Variants in MCTP1 observed in about 807,000 individuals in gnomAD.
MCTP1 encodes multiple C2 and transmembrane domain containing 1.
A neutral mutation model predicts 120.6 loss-of-function variants in MCTP1; 69 were observed. The observed-to-expected ratio is 0.57, with a 90% CI of 0.47 to 0.70. The LOEUF (loss-of-function observed/expected upper bound fraction) is 0.70, where lower values mean the gene tolerates loss of function less well. Ranked by LOEUF, MCTP1 falls within the 30% of genes least tolerant of loss-of-function variation. The pLI is 0.00. For missense variants in MCTP1, 1,203 were observed against 1,248.8 expected (o/e 0.96, Z 0.55); for synonymous variants, 529 against 493.1 (o/e 1.07, Z -0.96).
intron 20 of MCTP1, among the ~76,000 whole-genome samples, chr5:94,712,165 C>T (rs917481983): frequency 1.3e-5 from 2 of 152,086 alleles, no homozygotes; most frequent in African/African-American, 4.8e-5. Flanking sequence ...ACCTCTCTAA[C>T]CTTTTCCCCA....
At chr5:94,717,607 C>A (rs1759802556) in intron 19 of MCTP1, among the ~76,000 whole-genome samples, 1 of 151,990 alleles carries the variant, frequency 6.6e-6, no homozygotes, top group Non-Finnish European at 1.5e-5. Context: ...TGACATGATC[C>A]TATATCTAGA....
intron 1 of MCTP1, among the ~76,000 whole-genome samples, chr5:95,048,854 T>C (rs906548791): frequency 6.6e-6 from 1 of 152,188 alleles, no homozygotes; most frequent in Non-Finnish European, 1.5e-5. Context: ...ATCTTCCTCC[T>C]TGTAGAAAAG....
chr5:95,202,853 G>A (rs1184091394), intron 1 of MCTP1, among the ~76,000 whole-genome samples: 1 of 152,008 alleles, frequency 6.6e-6, no homozygotes, highest in Non-Finnish European at 1.5e-5. Context: ...TCAGCCTCCT[G>A]AGTAGCTGGG....
chr5:94,988,424 T>G (rs1360590833), intron 2 of MCTP1, among the ~76,000 whole-genome samples: 2 of 152,170 alleles, frequency 1.3e-5, no homozygotes, highest in Non-Finnish European at 2.9e-5. Flanking sequence ...TGACAGTTGA[T>G]CCTATTGTAT....
intron 17 of MCTP1, among the ~76,000 whole-genome samples, chr5:94,812,522 T>G (rs1200789376): frequency 2.0e-5 from 3 of 151,466 alleles, no homozygotes; most frequent in Admixed American, 2.0e-4. Context: ...CTACATGTCT[T>G]CTGAACTTTT....
chr5:95,205,189 C>G (rs1206502906), intron 1 of MCTP1, among the ~76,000 whole-genome samples: 1 of 152,066 alleles, frequency 6.6e-6, no homozygotes, highest in African/African-American at 2.4e-5. Context: ...TAAAGCCTAA[C>G]ACTTATGGTC....
At chr5:94,947,573 TATATAGAGAGAGAGAGAGAGAGAG>T (rs1202737269) in intron 3 of MCTP1, among the ~76,000 whole-genome samples, 20 of 47,042 alleles carry the variant, frequency 4.3e-4, no homozygotes, top group Non-Finnish European at 8.0e-4. Context: ...TATATATATA[TATATAGAGAGAGAGAGAGAGAGAG>T]AGAGAGAGAG....
At chr5:94,811,811 C>A (rs1014583806) in intron 17 of MCTP1, among the ~76,000 whole-genome samples, 1 of 152,130 alleles carries the variant, frequency 6.6e-6, no homozygotes, top group Non-Finnish European at 1.5e-5. Flanking sequence ...TCATTTTCAG[C>A]CAAAATAGTT....
intron 19 of MCTP1, among the ~76,000 whole-genome samples, chr5:94,718,339 A>T (rs775820227): frequency 3.3e-5 from 5 of 152,150 alleles, no homozygotes; most frequent in Non-Finnish European, 5.9e-5. Flanking sequence ...CCCCTTTCTT[A>T]TAAAAAATTA....
chr5:94,870,551 T>TC, intron 15 of MCTP1, 60 bp from the exon 16 acceptor site: 1 of 1,214,892 alleles, frequency 8.2e-7, no homozygotes, highest in Middle Eastern at 1.9e-4. Context: ...TACAAGTTTT[T>TC]CACGCAGTTC....
chr5:94,791,112 CAAA>C (rs60394333), intron 18 of MCTP1, among the ~76,000 whole-genome samples: 13,299 of 99,636 alleles, frequency 0.13, 628 homozygotes, highest in African/African-American at 0.26. Context: ...GTCTCTACTA[CAAA>C]AAAAAAAAAA....
intron 19 of MCTP1, among the ~76,000 whole-genome samples, chr5:94,764,828 C>CAAAAAAAAAAAAAAAA (rs57246943): frequency 1.1e-5 from 1 of 90,976 alleles, no homozygotes; most frequent in Admixed American, 1.2e-4. Context: ...TGACCTGGAC[C>CAAAAAAAAAAAAAAAA]AAAAAAAAAA....
intron 1 of MCTP1, among the ~76,000 whole-genome samples, chr5:95,280,604 C>A (rs1479741515): frequency 1.3e-5 from 2 of 152,054 alleles, no homozygotes; most frequent in Non-Finnish European, 2.9e-5. Flanking sequence ...TCTGGTATGA[C>A]AATATGGCCC....
chr5:94,997,704 A>G (rs1309616685), intron 2 of MCTP1, among the ~76,000 whole-genome samples: 1 of 152,184 alleles, frequency 6.6e-6, no homozygotes, highest in African/African-American at 2.4e-5. Context: ...ACGCTGATAC[A>G]TCATTATCAA....
At chr5:95,236,087 G>A (rs17427305) in intron 1 of MCTP1, among the ~76,000 whole-genome samples, 22,782 of 152,008 alleles carry the variant, frequency 0.15, 1,857 homozygotes, top group Non-Finnish European at 0.19. Context: ...GGAAGAACAC[G>A]GTCACAAAAA....
At chr5:94,755,806 T>A (rs1265636433) in intron 19 of MCTP1, among the ~76,000 whole-genome samples, 3 of 152,196 alleles carry the variant, frequency 2.0e-5, no homozygotes, top group African/African-American at 4.8e-5. Context: ...GTAATAACTT[T>A]GTATCTCTAA....
intron 17 of MCTP1, among the ~76,000 whole-genome samples, chr5:94,820,262 T>A (rs900750805): frequency 2.6e-5 from 4 of 152,238 alleles, no homozygotes; most frequent in Non-Finnish European, 4.4e-5. Context: ...CAAATGATTA[T>A]TTTTGGCAGA....
intron 12 of MCTP1, chr5:94,877,673 C>T (rs568857821): frequency 7.9e-5 from 12 of 152,070 alleles, no homozygotes; most frequent in Non-Finnish European, 1.3e-4. Flanking sequence ...TTTGAGGTCA[C>T]GACACTGACA....
At chr5:95,217,035 C>T (rs962064467) in intron 1 of MCTP1, among the ~76,000 whole-genome samples, 4 of 152,096 alleles carry the variant, frequency 2.6e-5, no homozygotes, top group African/African-American at 9.7e-5. Flanking sequence ...CTAGTGGAAT[C>T]CACAACTGAA....
Sources: allele counts gnomAD v4.1 joint callset (sites outside exome capture counted in the v4.1 genomes callset), GRCh38; gene constraint gnomAD v4.1.1; transcripts MANE v1.5; gene names NCBI Gene and HGNC (gene_info 2026-07-23, HGNC 2026-07-21).